The following EFR3A variants were observed in gnomAD, a reference collection of about 807,000 sequenced individuals.
EFR3A encodes the protein EFR3 homolog A.
In EFR3A, 76 loss-of-function variants were observed where a neutral mutation model predicts 104.4. The observed-to-expected ratio is 0.73, with a 90% CI of 0.60 to 0.88. EFR3A has a LOEUF of 0.88. EFR3A is among the 40% of genes least tolerant of loss of function. EFR3A has a pLI of 0.00. For synonymous variants in EFR3A, 330 were observed against 330.0 expected, an observed-to-expected ratio of 1.00 and a Z score of 0.00; for missense variants, 985 against 1,012.5, an observed-to-expected ratio of 0.97 and a Z score of 0.37.
At chr8:132,005,734 A>G (rs1247028165) in intron 22 of EFR3A, among the ~76,000 whole-genome samples, 1 of 152,182 alleles carries the variant, frequency 6.6e-6, no homozygotes, top group African/African-American at 2.4e-5. Context: ...AAAAATGCAG[A>G]AAGGATATAA....
rs1046498208 is a variant in EFR3A, at chr8:131,970,573, T to A, written c.1089T>A (p.Ser363Arg). 18 of 1,613,738 alleles carry A rather than the reference T, an allele frequency of 1.1e-5. No homozygotes were observed. Among genetic ancestry groups the A allele is most frequent in the Non-Finnish European group, 1.4e-5 (17 of 1,179,782 alleles). Residue 363 changes from serine to arginine, a missense_variant, in exon 10 of 23, where the codon AGT becomes AGA. Physicochemically the swap from Ser to Arg is moderately radical, Grantham distance 110. Transcript: ENST00000254624. ...ANDLQGGSVG[S>R]VNLNTSSKDN... ...ATTTACAGGGGGGATCTGTAGGCAG[T>A]GTCAACTTAAATACAAGTTCCAAAG...
At chr8:131,945,155 A>AT (rs1025529605) in intron 3 of EFR3A, among the ~76,000 whole-genome samples, 2 of 151,956 alleles carry the variant, frequency 1.3e-5, no homozygotes. Flanking sequence ...AATAGTAGAA[A>AT]TTGACTCACT....
chr8:131,929,101 C>T (rs533875828), intron 1 of EFR3A, among the ~76,000 whole-genome samples: 2 of 152,244 alleles, frequency 1.3e-5, no homozygotes, highest in South Asian at 4.1e-4. Flanking sequence ...TTGTCTGCTA[C>T]AGGATATCCC....
chr8:131,950,144 G>T, intron 5 of EFR3A, 54 bp downstream of exon 5: 2 of 1,478,624 alleles, frequency 1.4e-6, no homozygotes, highest in Non-Finnish European at 1.8e-6. Flanking sequence ...GATTAATATT[G>T]TGTTCATATG....
intron 18 of EFR3A, among the ~76,000 whole-genome samples, chr8:131,992,746 C>T (rs566470988): frequency 6.6e-6 from 1 of 152,058 alleles, no homozygotes; most frequent in Non-Finnish European, 1.5e-5. Flanking sequence ...TATCCCACAG[C>T]GTGCACAGAG....
At chr8:131,911,504 A>G (rs924442182) in intron 1 of EFR3A, among the ~76,000 whole-genome samples, 1 of 152,228 alleles carries the variant, frequency 6.6e-6, no homozygotes, top group African/African-American at 2.4e-5. Flanking sequence ...TTATCCAATC[A>G]TTAAGGGGAA....
intron 1 of EFR3A, among the ~76,000 whole-genome samples, chr8:131,936,316 G>T (rs1817877730): frequency 6.6e-6 from 1 of 152,050 alleles, no homozygotes; most frequent in South Asian, 2.1e-4. Context: ...CACAATACTT[G>T]AACACTTCTG....
chr8:131,911,861 C>T (rs1210561432), intron 1 of EFR3A, among the ~76,000 whole-genome samples: 1 of 152,170 alleles, frequency 6.6e-6, no homozygotes. Context: ...GGGGCAGGAC[C>T]CTGTCTGGCT....
In EFR3A at chr8:131,939,739, G is replaced by T. The variant is rs113842902; in HGVS notation, c.11-760G>T. The T allele has an allele frequency of 2.5e-4, 38 of 152,184 alleles. 1 individual carries two copies. Among genetic ancestry groups the T allele is most frequent in the African/African-American group, 9.2e-4 (38 of 41,530 alleles). The allele number at this position is 152,184 out of a possible 1,614,324, so 9.4% of individuals were successfully genotyped here. On this transcript the variant is annotated intron_variant, in intron 1 of 22. Transcript: ENST00000254624. ...TTTCATCATTGCAATACAGGACCTG[G>T]CTCAGTGCTTGTGTGCTTAATACAT...
chr8:131,976,223 T>G (rs1820320745), intron 11 of EFR3A, 82 bp downstream of exon 11: 1 of 895,436 alleles, frequency 1.1e-6, no homozygotes, highest in Non-Finnish European at 1.7e-6. Flanking sequence ...TAACGTTTTG[T>G]TTTTTTTTAA....
chr8:131,982,982 C>T (rs1424858260), intron 14 of EFR3A, among the ~76,000 whole-genome samples: 2 of 152,152 alleles, frequency 1.3e-5, no homozygotes, highest in Non-Finnish European at 2.9e-5. Flanking sequence ...TTTAAGCTGA[C>T]TTAACCAGTC....
chr8:132,010,445 T>A (rs1467905810), intron 22 of EFR3A, among the ~76,000 whole-genome samples: 1 of 128,000 alleles, frequency 7.8e-6, no homozygotes, highest in Non-Finnish European at 1.7e-5. Flanking sequence ...TATATATATA[T>A]ATATAATGAA....
intron 1 of EFR3A, among the ~76,000 whole-genome samples, chr8:131,905,343 T>C (rs1024653758): frequency 1.3e-5 from 2 of 152,232 alleles, no homozygotes; most frequent in African/African-American, 4.8e-5. Flanking sequence ...CAGTCTCCAA[T>C]GCACGTTTCG....
At chr8:131,937,655 C>T (rs1399646388) in intron 1 of EFR3A, among the ~76,000 whole-genome samples, 1 of 152,106 alleles carries the variant, frequency 6.6e-6, no homozygotes, top group East Asian at 1.9e-4. Context: ...TGACAAACAC[C>T]GCAAAGGCAC....
rs558013867 is a variant in EFR3A, at chr8:131,960,117, T to C, written c.855+454T>C. 1.8e-3 allele frequency among the ~76,000 whole-genome samples: 279 copies of C among 152,310 alleles called. 2 individuals carry two copies. The highest frequency in any genetic ancestry group is 6.5e-3 in the African/African-American group (271 of 41,568). ...AGATTTGCCTGGGACTGCTGCTGGCTTCAGTGTGCACTTGCCTTTCCAGAT... is the reference window on the plus strand; with the variant it reads ...AGATTTGCCTGGGACTGCTGCTGGCCTCAGTGTGCACTTGCCTTTCCAGAT... On this transcript the variant is annotated intron_variant, in intron 8 of 22. Coordinates refer to ENST00000254624, the MANE Select transcript of EFR3A (RefSeq NM_015137.6).
chr8:131,987,598 A>G lies in EFR3A; in HGVS notation c.1961A>G (p.His654Arg), dbSNP rs377726346. The change falls in exon 18 of 23, where the codon CAT (histidine) becomes CGT (arginine). Residue 654 changes from histidine to arginine, a missense_variant. His to Arg is a conservative substitution (Grantham distance 29, BLOSUM62 0). Coordinates refer to ENST00000254624, the MANE Select transcript of EFR3A (RefSeq NM_015137.6). ...KCMLPKSLEK[H>R]EKDLYFLTNK... The stretch of plus-strand genomic sequence containing the variant: ...AGGCTTCCAAAATCTTTAGAGAAGC[A>G]TGAAAAAGATTTGTACTTTCTGACC... 68 of 1,597,288 alleles carry G rather than the reference A, an allele frequency of 4.3e-5. 2 individuals are homozygous for G. In the Middle Eastern group the frequency reaches 5.0e-4, roughly 12 times the overall value.
At chr8:132,010,536 G>A (rs1247119132) in intron 22 of EFR3A, among the ~76,000 whole-genome samples, 1 of 149,470 alleles carries the variant, frequency 6.7e-6, no homozygotes, top group African/African-American at 2.5e-5. Context: ...CACAAGAATG[G>A]GTAGAGTATA....
intron 8 of EFR3A, among the ~76,000 whole-genome samples, chr8:131,966,569 C>T (rs1207955285): frequency 4.6e-5 from 7 of 151,902 alleles, no homozygotes; most frequent in Admixed American, 3.9e-4. Context: ...ATTTAATTGC[C>T]CCAAGAATCC....
At chr8:131,907,019 A>G (rs903435145) in intron 1 of EFR3A, among the ~76,000 whole-genome samples, 3 of 152,186 alleles carry the variant, frequency 2.0e-5, no homozygotes, top group African/African-American at 7.2e-5. Flanking sequence ...GAGAGTTTCC[A>G]TGGAGTAAAA....
Sources: gnomAD v4.1 joint callset for allele counts (sites outside exome capture counted in the v4.1 genomes callset) on GRCh38, gnomAD v4.1.1 for gene constraint, MANE v1.5 for transcripts, NCBI Gene and HGNC (gene_info 2026-07-23, HGNC 2026-07-21) for gene names.